PVT1: variants seen among roughly 807,000 people sequenced by gnomAD.
PVT1 encodes the protein Pvt1 oncogene.
intron 2 of PVT1, among the ~76,000 whole-genome samples, chr8:127,852,600 A>G (rs1451528889): frequency 6.6e-6 from 1 of 152,202 alleles, no homozygotes; most frequent in Non-Finnish European, 1.5e-5. Flanking sequence ...ATGAGTTAAC[A>G]TATGTAAAGT....
chr8:127,838,041 G>A (rs1003492623), intron 2 of PVT1, among the ~76,000 whole-genome samples: 19 of 151,984 alleles, frequency 1.3e-4, no homozygotes, highest in Middle Eastern at 3.4e-3. Flanking sequence ...GGGATTACAG[G>A]CATGCGCCAC....
intron 4 of PVT1, among the ~76,000 whole-genome samples, chr8:128,019,746 CTG>C (rs1817412664): frequency 1.3e-5 from 2 of 152,322 alleles, no homozygotes; most frequent in Admixed American, 1.3e-4. Flanking sequence ...TGAAGGCTCA[CTG>C]TGTTGCTTCT....
chr8:128,062,342 C>T (rs1231985973), intron 4 of PVT1, among the ~76,000 whole-genome samples: 2 of 152,150 alleles, frequency 1.3e-5, no homozygotes, highest in Non-Finnish European at 2.9e-5. Context: ...TTCTGAAGGC[C>T]ACATTATCTA....
chr8:128,009,685 G>A (rs1817291400), intron 4 of PVT1: 1 of 152,232 alleles, frequency 6.6e-6, no homozygotes, highest in Non-Finnish European at 1.5e-5. Context: ...CTGTCTTGAT[G>A]TGAATGTGAA....
chr8:127,925,103 G>A (rs551464308), intron 3 of PVT1, among the ~76,000 whole-genome samples: 1 of 152,226 alleles, frequency 6.6e-6, no homozygotes, highest in East Asian at 1.9e-4. Context: ...TGAGCTACTT[G>A]TACTACAAAT....
At chr8:127,823,096 G>A (rs1001349666) in intron 2 of PVT1, among the ~76,000 whole-genome samples, 2 of 152,204 alleles carry the variant, frequency 1.3e-5, no homozygotes, top group Non-Finnish European at 2.9e-5. Flanking sequence ...AAGTTCAAAA[G>A]TCTTTATATT....
At chr8:128,095,808 C>G (rs1814420855) in intron 5 of PVT1, among the ~76,000 whole-genome samples, 1 of 152,244 alleles carries the variant, frequency 6.6e-6, no homozygotes, top group Admixed American at 6.5e-5. Context: ...AAACAAGGAA[C>G]CAGCTTGAGG....
chr8:127,922,616 A>G (rs1052061955), intron 3 of PVT1, among the ~76,000 whole-genome samples: 3 of 152,078 alleles, frequency 2.0e-5, no homozygotes, highest in African/African-American at 4.8e-5. Context: ...TGTCCAGCTC[A>G]CTGTGGGACC....
At chr8:127,953,306 T>C (rs13274181) in intron 3 of PVT1, among the ~76,000 whole-genome samples, 20,766 of 152,222 alleles carry the variant, frequency 0.14, 1,485 homozygotes, top group African/African-American at 0.17. Context: ...ATGCTTTTAC[T>C]GGACTCTGCA....
At chr8:128,088,755 A>G (rs1434331937) in intron 5 of PVT1, among the ~76,000 whole-genome samples, 1 of 152,230 alleles carries the variant, frequency 6.6e-6, no homozygotes, top group Non-Finnish European at 1.5e-5. Flanking sequence ...CTCAGCTGGT[A>G]TAGACTCACT....
intron 2 of PVT1, among the ~76,000 whole-genome samples, chr8:127,824,120 G>A (rs973949665): frequency 6.6e-6 from 1 of 152,202 alleles, no homozygotes; most frequent in Non-Finnish European, 1.5e-5. Context: ...GTTTGAGGCT[G>A]CAGTGAGCTG....
At chr8:128,088,991 T>C (rs191215045) in intron 5 of PVT1, among the ~76,000 whole-genome samples, 5 of 152,350 alleles carry the variant, frequency 3.3e-5, no homozygotes, top group African/African-American at 7.2e-5. Flanking sequence ...GTCCTCCATG[T>C]GGCCCAAATA....
intron 4 of PVT1, among the ~76,000 whole-genome samples, chr8:128,023,016 ACCACCACAC>A (rs1394493087): frequency 6.6e-6 from 1 of 151,940 alleles, no homozygotes; most frequent in Non-Finnish European, 1.5e-5. Flanking sequence ...ACAGGAGTGC[ACCACCACAC>A]CTGGCTAATT....
At chr8:127,830,381 A>C (rs1814836146) in intron 2 of PVT1, among the ~76,000 whole-genome samples, 1 of 151,080 alleles carries the variant, frequency 6.6e-6, no homozygotes, top group Admixed American at 6.6e-5. Flanking sequence ...CAGGGATGGA[A>C]GCAAGGAGCT....
intron 3 of PVT1, among the ~76,000 whole-genome samples, chr8:127,972,872 C>G (rs1006576767): frequency 2.6e-5 from 4 of 152,092 alleles, no homozygotes; most frequent in African/African-American, 9.7e-5. Context: ...CTAATGTCAG[C>G]CAAGTTTGAG....
chr8:127,953,980 A>G (rs1269202257), intron 3 of PVT1, among the ~76,000 whole-genome samples: 1 of 152,246 alleles, frequency 6.6e-6, no homozygotes, highest in East Asian at 1.9e-4. Context: ...AAACGTGCAC[A>G]AAACTTGAAA....
intron 2 of PVT1, among the ~76,000 whole-genome samples, chr8:127,827,487 A>T (rs1814803715): frequency 6.6e-6 from 1 of 152,128 alleles, no homozygotes; most frequent in South Asian, 2.1e-4. Context: ...AGCAGCCCTG[A>T]GGCTGGAGTT....
intron 3 of PVT1, among the ~76,000 whole-genome samples, chr8:127,945,410 A>G (rs940637126): frequency 2.0e-5 from 3 of 152,122 alleles, no homozygotes; most frequent in Non-Finnish European, 2.9e-5. Context: ...GACTGTACAC[A>G]AGAGCCCTGT....
rs945059584 is a variant in PVT1, at chr8:128,045,936, G to C, written n.913-24224G>C. Among the ~76,000 whole-genome samples the C allele has an allele frequency of 3.9e-5, 6 of 152,272 alleles. No individual in the cohort carries two copies. In the South Asian group the frequency reaches 1.0e-3, roughly 26 times the overall value. On this transcript the variant is annotated intron_variant and non_coding_transcript_variant, in intron 4 of 10. Coordinates refer to ENST00000651587, the Ensembl canonical transcript of PVT1. ...AAAGATTTTGATTTTGTCTGAAATG[G>C]GACCTGGGCATTTGGATTTATAACA...
Sources: gnomAD v4.1 joint callset for allele counts (sites outside exome capture counted in the v4.1 genomes callset) on GRCh38, gnomAD v4.1.1 for gene constraint, MANE v1.5 for transcripts, NCBI Gene and HGNC (gene_info 2026-07-23, HGNC 2026-07-21) for gene names.